The following RGPD4 variants were observed in gnomAD, a reference collection of about 807,000 sequenced individuals.
RGPD4 encodes RANBP2 like and GRIP domain containing 4.
A neutral mutation model predicts 141.1 loss-of-function variants in RGPD4; 84 were observed. The observed-to-expected ratio is 0.60, with a 90% confidence interval of 0.50 to 0.71. The LOEUF (loss-of-function observed/expected upper bound fraction) is 0.71. RGPD4 is among the 30% of genes least tolerant of loss of function. The pLI, the probability that RGPD4 is intolerant of heterozygous loss-of-function variation, is 0.00. For missense variants in RGPD4, 918 were observed against 1,622.4 expected, an observed-to-expected ratio of 0.57 and a Z score of 7.46; for synonymous variants, 298 against 566.8, an observed-to-expected ratio of 0.53 and a Z score of 6.74.
intron 21 of RGPD4, among the ~76,000 whole-genome samples, chr2:107,880,518 C>G (rs913738371): frequency 6.6e-6 from 1 of 151,712 alleles, no homozygotes; most frequent in African/African-American, 2.4e-5. Flanking sequence ...CTGCCTTGGC[C>G]TCCCAAAGTG....
chr2:107,887,121 A>G (rs1018204912), intron 22 of RGPD4, among the ~76,000 whole-genome samples: 2 of 150,992 alleles, frequency 1.3e-5, no homozygotes, highest in Admixed American at 6.6e-5. Context: ...ATGTGCCCAT[A>G]GTCCTAGCTA....
intron 1 of RGPD4, among the ~76,000 whole-genome samples, chr2:107,829,315 C>A (rs1195081837): frequency 1.1e-4 from 4 of 37,748 alleles, no homozygotes; most frequent in South Asian, 1.2e-3. Flanking sequence ...CGTCATGGCT[C>A]CCGATGGGCG....
chr2:107,826,993 G>C lies in RGPD4; in HGVS notation c.-21G>C, dbSNP rs201201755. Reference sequence around the variant, plus strand: ...GCTGAGCGCTGGTTTCACGCGTCTCGGGAGCCAGGTTGGTGGCGCGATGAG... The same window carrying C: ...GCTGAGCGCTGGTTTCACGCGTCTCCGGAGCCAGGTTGGTGGCGCGATGAG... On this transcript the variant is annotated 5_prime_UTR_variant, in exon 1 of 23. Transcript: ENST00000408999. The C allele has an allele frequency of 6.0e-4, 949 of 1,592,302 alleles. 4 individuals carry two copies. In the African/African-American group the frequency reaches 9.0e-3, roughly 15 times the overall value.
intron 6 of RGPD4, among the ~76,000 whole-genome samples, chr2:107,846,746 G>C (rs1404845455): frequency 1.3e-5 from 2 of 151,358 alleles, no homozygotes; most frequent in African/African-American, 4.9e-5. Flanking sequence ...GGAATTACAT[G>C]TGTGAGCCAC....
intron 22 of RGPD4, among the ~76,000 whole-genome samples, chr2:107,890,476 G>T (rs11888398): frequency 7.5e-6 from 1 of 134,204 alleles, no homozygotes; most frequent in Non-Finnish European, 1.6e-5. Flanking sequence ...TTGAGCCTGG[G>T]AGATCAAGGC....
At position 107,871,861 on chromosome 2, in the gene RGPD4, G is replaced by C. The variant is rs1287961385; in HGVS notation, c.3857G>C (p.Gly1286Ala). 1.9e-6 allele frequency: 3 copies of C among 1,611,598 alleles called. No homozygotes were observed. The highest frequency in any genetic ancestry group is 4.5e-5 in the East Asian group (2 of 44,862). Reference protein sequence around the residue: ...SPVRKNLFHFGESTTGSNFSF... With the variant: ...SPVRKNLFHFAESTTGSNFSF... ...GTGAGAAAAAATCTTTTCCATTTTG[G>C]TGAGTCAACAACAGGATCTAACTTC... Residue 1286 changes from glycine (G) to alanine (A), a missense_variant, in exon 20 of 23, where the codon GGT becomes GCT. Gly to Ala is a moderately conservative substitution (Grantham distance 60). Transcript: ENST00000408999.
chr2:107,874,826 T>C (rs1020127698), intron 20 of RGPD4, among the ~76,000 whole-genome samples: 1 of 151,534 alleles, frequency 6.6e-6, no homozygotes, highest in Non-Finnish European at 1.5e-5. Flanking sequence ...TACTGAGTAA[T>C]AGCAGAAGTG....
intron 1 of RGPD4, among the ~76,000 whole-genome samples, chr2:107,834,500 C>T (rs941083724): frequency 2.8e-4 from 42 of 152,164 alleles, no homozygotes; most frequent in African/African-American, 9.9e-4. Flanking sequence ...ATCCCTTTGT[C>T]CAACATATTC....
intron 22 of RGPD4, among the ~76,000 whole-genome samples, chr2:107,884,761 AT>A (rs1309654911): frequency 1.3e-5 from 2 of 149,880 alleles, no homozygotes; most frequent in African/African-American, 4.9e-5. Flanking sequence ...CATCCTCAAA[AT>A]TGAGCAGGCA....
chr2:107,857,600 T>A (rs1207602763), intron 9 of RGPD4, among the ~76,000 whole-genome samples: 3 of 150,114 alleles, frequency 2.0e-5, no homozygotes, highest in Admixed American at 6.6e-5. Context: ...GCCCAGATAA[T>A]TTTTTTTTTT....
rs1682938711 is a variant in RGPD4, at chr2:107,871,935, C to A, written c.3931C>A (p.Gln1311Lys). 6.2e-7 allele frequency: 1 copy of A among 1,611,514 alleles called. No homozygotes were observed. Among genetic ancestry groups the A allele is most frequent in the Non-Finnish European group, 8.5e-7 (1 of 1,179,852 alleles). ...SPSKSPAKLN[Q>K]SGTSVGTDEE... ...ATCTAAGTCTCCTGCCAAGTTGAAT[C>A]AGAGTGGGACTTCAGTTGGCACTGA... The change falls in exon 20 of 23, where the codon CAG (glutamine) becomes AAG (lysine). Residue 1311 changes from glutamine (Q) to lysine (K), a missense_variant. Transcript: ENST00000408999.
chr2:107,884,517 C>A (rs1675457240), intron 22 of RGPD4, among the ~76,000 whole-genome samples: 1 of 147,774 alleles, frequency 6.8e-6, no homozygotes, highest in Non-Finnish European at 1.5e-5. Context: ...GGGTTTTAAT[C>A]ATTACAGGGT....
Position 107,872,942 on chromosome 2 carries a change from T to C in RGPD4, c.4924+14T>C, listed in dbSNP as rs749478781. ...CACCAGAAAAGGGTAGGTACTTTGT[T>C]GTTAAAGTTAAGCACAATTTTTCTT... is the stretch of plus-strand genomic sequence containing the variant. On this transcript the variant is annotated intron_variant, in intron 20 of 22. Coordinates refer to ENST00000408999, the MANE Select transcript of RGPD4 (RefSeq NM_182588.3). 2.0e-6 allele frequency: 3 copies of C among 1,500,512 alleles called. No individual in the cohort carries two copies. Among genetic ancestry groups the C allele is most frequent in the South Asian group, 1.2e-5 (1 of 84,188 alleles). The allele number at this position is 1,500,512 out of a possible 1,614,324, so 92.9% of individuals were successfully genotyped here. A position where few individuals can be genotyped will look rare whatever the true frequency, so the allele number is the denominator to read the frequency against.
chr2:107,890,585 C>A lies in RGPD4; in HGVS notation c.5267-136C>A, dbSNP rs1369863084. 1.7e-5 allele frequency: 5 copies of A among 291,378 alleles called. 1 individual carries two copies. The highest frequency in any genetic ancestry group is 9.4e-5 in the East Asian group (1 of 10,650). 18.0% of individuals were successfully genotyped at this position (291,378 alleles called of 1,614,324 possible). A position where few individuals can be genotyped will look rare whatever the true frequency, so the allele number is the denominator to read the frequency against. ...AAAAAAAAAAAAAAGAACCCCCCCCCCCCAACAAAAAAGGCATGTGATCAG... is the reference window on the plus strand; with the variant it reads ...AAAAAAAAAAAAAAGAACCCCCCCCACCCAACAAAAAAGGCATGTGATCAG... On this transcript the variant is annotated intron_variant, in intron 22 of 22. Transcript: ENST00000408999.
intron 22 of RGPD4, chr2:107,883,181 A>C (rs1675417389): frequency 1.7e-6 from 1 of 573,068 alleles, no homozygotes; most frequent in Non-Finnish European, 3.2e-6. Flanking sequence ...GTTTTGTTTT[A>C]AATTCTACTT....
chr2:107,859,776 A>T lies in RGPD4; in HGVS notation c.1689A>T (p.Leu563=). Residue 563 remains leucine, a synonymous_variant, in exon 12 of 23, where the codon CTA becomes CTT. Coordinates refer to ENST00000408999, the MANE Select transcript of RGPD4 (RefSeq NM_182588.3). ...RLLVQHEINT[L]RAQEKHGLQP... Reference sequence around the variant, plus strand: ...TAGTTCAGCATGAAATAAACACTCTAAGAGCCCAGGAAAAACATGGCCTTC... The same window carrying T: ...TAGTTCAGCATGAAATAAACACTCTTAGAGCCCAGGAAAAACATGGCCTTC... 1 of 1,610,800 alleles carries T rather than the reference A, an allele frequency of 6.2e-7. No individual in the cohort carries two copies. Among genetic ancestry groups the T allele is most frequent in the African/African-American group, 1.4e-5 (1 of 74,058 alleles).
intron 6 of RGPD4, among the ~76,000 whole-genome samples, chr2:107,847,079 A>G (rs1229983978): frequency 1.3e-5 from 2 of 149,998 alleles, no homozygotes; most frequent in African/African-American, 2.5e-5. Flanking sequence ...TGTCTCTACT[A>G]AAAATACAAA....
rs575802635 is a variant in RGPD4, at chr2:107,883,913, A to C, written c.5266+1040A>C. On this transcript the variant is annotated intron_variant, in intron 22 of 22. Transcript: ENST00000408999. ...ACTCATGGACAATCTTTTGGCATAA[A>C]TAGGGGAGAGTTAGAGACTTAAATC... Among the ~76,000 whole-genome samples, 351 of 152,176 alleles carry C rather than the reference A, an allele frequency of 2.3e-3. 2 individuals carry two copies. The highest frequency in any genetic ancestry group is 7.9e-3 in the African/African-American group (328 of 41,446).
chr2:107,869,535 T>TA (rs899028501), intron 18 of RGPD4, among the ~76,000 whole-genome samples: 2 of 144,426 alleles, frequency 1.4e-5, no homozygotes, highest in African/African-American at 5.3e-5. Flanking sequence ...CTTGGTTCCT[T>TA]ACGTCCTTTC....
Sources: gnomAD v4.1 joint callset for allele counts (sites outside exome capture counted in the v4.1 genomes callset) on GRCh38, gnomAD v4.1.1 for gene constraint, MANE v1.5 for transcripts, NCBI Gene and HGNC (gene_info 2026-07-23, HGNC 2026-07-21) for gene names.